The following RALGAPA1 variants were observed in gnomAD, a reference collection of about 807,000 sequenced individuals.
RALGAPA1 encodes the protein ral GTPase-activating protein subunit alpha-1.
In RALGAPA1, 52 loss-of-function variants were observed where a neutral mutation model predicts 269.6. That is an observed-to-expected ratio of 0.19 (90% CI 0.15 to 0.24). The LOEUF (loss-of-function observed/expected upper bound fraction) is 0.24. Ranked by LOEUF, RALGAPA1 falls within the 10% of genes least tolerant of loss-of-function variation. RALGAPA1 has a pLI of 1.00. For missense variants in RALGAPA1, 1,917 were observed against 3,013.9 expected (o/e 0.64, Z 8.52); for synonymous variants, 817 against 1,008.3 (o/e 0.81, Z 3.60).
At chr14:35,676,398 G>C (rs552441450) in intron 22 of RALGAPA1, 5 of 151,940 alleles carry the variant, frequency 3.3e-5, no homozygotes, top group Admixed American at 3.3e-4. Flanking sequence ...TTTTAGTAGA[G>C]ACAGGGTTTC....
intron 35 of RALGAPA1, among the ~76,000 whole-genome samples, chr14:35,618,568 C>T (rs775584521): frequency 3.9e-5 from 6 of 152,078 alleles, no homozygotes; most frequent in Non-Finnish European, 7.4e-5. Flanking sequence ...AGGATGTCCA[C>T]TGTTACTATA....
intron 10 of RALGAPA1, among the ~76,000 whole-genome samples, chr14:35,746,399 G>C (rs567532252): frequency 6.6e-6 from 1 of 152,240 alleles, no homozygotes; most frequent in Admixed American, 6.5e-5. Flanking sequence ...TATCATAAGT[G>C]TTCTTACCAT....
chr14:35,603,173 C>T (rs566600458), intron 36 of RALGAPA1, among the ~76,000 whole-genome samples: 1 of 152,298 alleles, frequency 6.6e-6, no homozygotes, highest in Non-Finnish European at 1.5e-5. Flanking sequence ...TCTATCCACA[C>T]TACCTTGATT....
chr14:35,728,586 C>G (rs2070187436), intron 12 of RALGAPA1, 76 bp from the exon 13 acceptor site: 1 of 1,449,544 alleles, frequency 6.9e-7, no homozygotes, highest in South Asian at 1.7e-5. Context: ...GAAACAGACA[C>G]TGATCACACT....
intron 31 of RALGAPA1, among the ~76,000 whole-genome samples, chr14:35,648,056 C>T (rs958819599): frequency 4.0e-5 from 6 of 151,580 alleles, no homozygotes; most frequent in African/African-American, 1.5e-4. Flanking sequence ...GCGGGTGGAT[C>T]ACCAGGTCAG....
intron 35 of RALGAPA1, among the ~76,000 whole-genome samples, chr14:35,625,122 G>A (rs542736744): frequency 1.1e-4 from 14 of 127,932 alleles, no homozygotes; most frequent in African/African-American, 4.5e-4. Flanking sequence ...CTGCACTCAA[G>A]CCTGGGTGAC....
chr14:35,594,061 G>T (rs1267806083), intron 37 of RALGAPA1, among the ~76,000 whole-genome samples: 1 of 151,996 alleles, frequency 6.6e-6, no homozygotes, highest in Non-Finnish European at 1.5e-5. Context: ...ATGGTCTTGG[G>T]AAAATGGCAT....
intron 39 of RALGAPA1, among the ~76,000 whole-genome samples, chr14:35,555,193 ATTAC>A (rs779535452): frequency 2.0e-5 from 3 of 152,202 alleles, no homozygotes; most frequent in Non-Finnish European, 4.4e-5. Flanking sequence ...AAAACTGATA[ATTAC>A]TTCTTTAAAT....
chr14:35,794,487 C>T (rs936292095), intron 1 of RALGAPA1, among the ~76,000 whole-genome samples: 2 of 152,018 alleles, frequency 1.3e-5, no homozygotes, highest in African/African-American at 4.8e-5. Flanking sequence ...GATGGAGTCT[C>T]CCTCCGTTGC....
chr14:35,672,060 A>G (rs2064496877), intron 25 of RALGAPA1, among the ~76,000 whole-genome samples: 1 of 152,192 alleles, frequency 6.6e-6, no homozygotes, highest in South Asian at 2.1e-4. Context: ...ATGAGGATAC[A>G]GTGTATTCAG....
At chr14:35,664,502 T>C in intron 27 of RALGAPA1, 140 bp downstream of exon 27, 1 of 680,616 alleles carries the variant, frequency 1.5e-6, no homozygotes, top group East Asian at 2.9e-5. Flanking sequence ...CATTCAAGCC[T>C]TTGTGTCTGG....
At chr14:35,541,646 G>A (rs1309785713) in intron 41 of RALGAPA1, 1 of 440,768 alleles carries the variant, frequency 2.3e-6, no homozygotes, top group East Asian at 7.0e-5. Context: ...CAGATGGATG[G>A]CAGAAGGAAA....
chr14:35,599,106 T>C (rs1225248624), intron 36 of RALGAPA1, among the ~76,000 whole-genome samples: 4 of 152,210 alleles, frequency 2.6e-5, no homozygotes. Flanking sequence ...TACTATATGT[T>C]CCTTTACCAT....
intron 35 of RALGAPA1, among the ~76,000 whole-genome samples, chr14:35,620,596 C>T (rs376959617): frequency 6.6e-6 from 1 of 151,982 alleles, no homozygotes; most frequent in Non-Finnish European, 1.5e-5. Context: ...ATGACATGAT[C>T]GTATATTTAG....
At chr14:35,806,691 T>C (rs1386094088) in intron 1 of RALGAPA1, among the ~76,000 whole-genome samples, 1 of 152,124 alleles carries the variant, frequency 6.6e-6, no homozygotes, top group Non-Finnish European at 1.5e-5. Flanking sequence ...CAAACAAAAA[T>C]CAAAAGCCTG....
In RALGAPA1 at chr14:35,539,523, T is replaced by G; in HGVS notation, c.*191A>C. The G allele has an allele frequency of 6.2e-7, 1 of 1,610,682 alleles. No individual in the cohort carries two copies. The highest frequency in any genetic ancestry group is 8.5e-7 in the Non-Finnish European group (1 of 1,179,082). On this transcript the variant is annotated 3_prime_UTR_variant, in exon 42 of 42. Coordinates refer to ENST00000680220, the MANE Select transcript of RALGAPA1 (RefSeq NM_001346249.2). Reference sequence around the variant, plus strand: ...TGCTAAGGTGGCTACTGCTGATCACTGCTGGGCTGCTTGTCTCCTTAGGAT... The same window carrying G: ...TGCTAAGGTGGCTACTGCTGATCACGGCTGGGCTGCTTGTCTCCTTAGGAT...
At chr14:35,675,150 C>A (rs1327072527) in intron 22 of RALGAPA1, among the ~76,000 whole-genome samples, 1 of 152,118 alleles carries the variant, frequency 6.6e-6, no homozygotes, top group African/African-American at 2.4e-5. Context: ...ACATCCCAGA[C>A]CAGCATTAAG....
At chr14:35,743,410 A>C (rs969010276) in intron 10 of RALGAPA1, among the ~76,000 whole-genome samples, 12 of 152,316 alleles carry the variant, frequency 7.9e-5, no homozygotes, top group Admixed American at 7.2e-4. Context: ...TATTACTCAG[A>C]ATGGTGATAT....
In RALGAPA1 at chr14:35,539,692, T is replaced by C; in HGVS notation, c.*24-2A>G. ...TGGGTAGAATCTCTGGGTAGGAGCC[T>C]GTAGGAAACAGCAAGAGCATTACTA... On this transcript the variant is annotated splice_acceptor_variant, in intron 41 of 41. Coordinates refer to ENST00000680220, the MANE Select transcript of RALGAPA1 (RefSeq NM_001346249.2). LOFTEE classifies it low-confidence loss of function (3UTR_SPLICE). The C allele has an allele frequency of 6.2e-7, 1 of 1,613,758 alleles. No individual in the cohort carries two copies. The highest frequency in any genetic ancestry group is 1.3e-5 in the African/African-American group (1 of 75,034).
Sources: allele counts gnomAD v4.1 joint callset (sites outside exome capture counted in the v4.1 genomes callset), GRCh38; gene constraint gnomAD v4.1.1; transcripts MANE v1.5; gene names NCBI Gene and HGNC (gene_info 2026-07-23, HGNC 2026-07-21).